ME3: variants seen among roughly 807,000 people sequenced by gnomAD.
ME3 encodes NADP-dependent malic enzyme, mitochondrial.
Under a neutral mutation model 68.9 loss-of-function variants are expected in ME3, and 48 were observed. The ratio of observed to expected loss-of-function variants is 0.70; its 90% CI spans 0.55 to 0.89. The LOEUF is 0.89. ME3 is among the 40% of genes least tolerant of loss of function. The probability of loss-of-function intolerance (pLI) is 0.00; values close to 1 mark genes in which losing one functional copy is unlikely to be tolerated. For synonymous variants in ME3, 320 were observed against 318.8 expected, an observed-to-expected ratio of 1.00 and a Z score of -0.04; for missense variants, 675 against 797.4, an observed-to-expected ratio of 0.85 and a Z score of 1.85.
At chr11:86,528,436 A>G (rs959744607) in intron 4 of ME3, among the ~76,000 whole-genome samples, 2 of 152,186 alleles carry the variant, frequency 1.3e-5, no homozygotes, top group African/African-American at 4.8e-5. Flanking sequence ...TGTCAACATT[A>G]GACAGATCAA....
At chr11:86,578,774 G>C (rs560342448) in intron 2 of ME3, among the ~76,000 whole-genome samples, 1 of 152,218 alleles carries the variant, frequency 6.6e-6, no homozygotes, top group African/African-American at 2.4e-5. Context: ...ATTTTGGACT[G>C]AATTTGTAAC....
chr11:86,539,978 A>G (rs1955936211), intron 4 of ME3, among the ~76,000 whole-genome samples: 1 of 152,226 alleles, frequency 6.6e-6, no homozygotes, highest in Non-Finnish European at 1.5e-5. Flanking sequence ...CATCTCCAGC[A>G]AGCTGTATGG....
At chr11:86,562,519 A>G (rs1450577529) in intron 2 of ME3, among the ~76,000 whole-genome samples, 1 of 152,142 alleles carries the variant, frequency 6.6e-6, no homozygotes, top group Non-Finnish European at 1.5e-5. Context: ...GTGAATGAGA[A>G]TTTCTGTTGC....
chr11:86,440,131 G>A (rs1366030745), downstream of ME3, among the ~76,000 whole-genome samples: 2 of 152,182 alleles, frequency 1.3e-5, no homozygotes, highest in Admixed American at 1.3e-4. Context: ...TTCGTTGCTG[G>A]CAGTGGAGAT....
chr11:86,455,537 A>G (rs1490860767), intron 8 of ME3, among the ~76,000 whole-genome samples: 1 of 152,214 alleles, frequency 6.6e-6, no homozygotes, highest in Non-Finnish European at 1.5e-5. Flanking sequence ...TGTTATCAGT[A>G]TCAACCTACC....
chr11:86,628,869 C>T (rs537823380), intron 2 of ME3, among the ~76,000 whole-genome samples: 29 of 152,134 alleles, frequency 1.9e-4, no homozygotes, highest in Non-Finnish European at 3.5e-4. Flanking sequence ...GAAGGAGAAA[C>T]GTTACATGGA....
intron 2 of ME3, among the ~76,000 whole-genome samples, chr11:86,630,695 C>T (rs1315969254): frequency 2.0e-5 from 3 of 152,234 alleles, no homozygotes; most frequent in Admixed American, 6.5e-5. Context: ...GGCATCTTCT[C>T]GGAATACCAA....
rs576258674 is a variant in ME3 at position 86,595,029 on chromosome 11, A to C, written c.184-35206T>G. Among the ~76,000 whole-genome samples the C allele has an allele frequency of 9.0e-5, 13 of 145,178 alleles. 2 individuals carry two copies. The highest frequency in any genetic ancestry group is 1.9e-4 in the Non-Finnish European group (13 of 66,914). On this transcript the variant is annotated intron_variant, in intron 2 of 14. Transcript: ENST00000543262. The stretch of plus-strand genomic sequence containing the variant: ...AGATTCAAATGAGGCTCTTTCATGA[A>C]AGCTCCTGGTCAACTATAGAGCATT...
In ME3 at chr11:86,524,967, G is replaced by C. The variant is rs536965866; in HGVS notation, c.468-16100C>G. Among the ~76,000 whole-genome samples, 5 of 152,326 alleles carry C rather than the reference G, an allele frequency of 3.3e-5. No homozygotes were observed. The South Asian group carries it at 1.0e-3, about 32-fold the overall frequency. On this transcript the variant is annotated intron_variant, in intron 4 of 14. Coordinates refer to ENST00000543262, the Ensembl canonical transcript of ME3. ...GGAATCTCAGAACATTCAAGATCAGGAAAGTTAAAGGCCAAAAAAGTATTT... is the reference window on the plus strand; with the variant it reads ...GGAATCTCAGAACATTCAAGATCAGCAAAGTTAAAGGCCAAAAAAGTATTT...
intron 2 of ME3, among the ~76,000 whole-genome samples, chr11:86,585,841 T>TG (rs1442644430): frequency 6.6e-6 from 1 of 152,006 alleles, no homozygotes; most frequent in Non-Finnish European, 1.5e-5. Flanking sequence ...GAGACTGAGA[T>TG]GGGACAGCGG....
chr11:86,452,583 A>G (rs1020826914), intron 8 of ME3, among the ~76,000 whole-genome samples: 2 of 152,176 alleles, frequency 1.3e-5, no homozygotes, highest in Non-Finnish European at 2.9e-5. Flanking sequence ...AAAACATGGA[A>G]TGGAAGGTTG....
At chr11:86,561,880 T>C (rs779202962) in intron 2 of ME3, among the ~76,000 whole-genome samples, 4 of 152,224 alleles carry the variant, frequency 2.6e-5, no homozygotes, top group African/African-American at 4.8e-5. Flanking sequence ...GATTCTCTTG[T>C]CATAGTCTGC....
chr11:86,505,928 C>G (rs977007401), intron 5 of ME3, among the ~76,000 whole-genome samples: 1 of 152,204 alleles, frequency 6.6e-6, no homozygotes. Context: ...CAGCCAGTCA[C>G]CTGTCTGCCC....
intron 4 of ME3, among the ~76,000 whole-genome samples, chr11:86,517,063 G>C (rs186219552): frequency 3.3e-5 from 5 of 151,616 alleles, no homozygotes; most frequent in African/African-American, 9.7e-5. Context: ...TGTTCATCCT[G>C]GAACAGGGTT....
chr11:86,671,373 A>G (rs1272063626), intron 2 of ME3, among the ~76,000 whole-genome samples: 1 of 152,174 alleles, frequency 6.6e-6, no homozygotes, highest in Admixed American at 6.5e-5. Flanking sequence ...AGATCTCACG[A>G]CATTCCTAAG....
intron 2 of ME3, among the ~76,000 whole-genome samples, chr11:86,668,840 G>T (rs1165306168): frequency 6.6e-6 from 1 of 152,178 alleles, no homozygotes. Context: ...TGTTAAGCTA[G>T]ATCTTTCAGG....
At chr11:86,550,625 A>G (rs1412126435) in intron 4 of ME3, among the ~76,000 whole-genome samples, 1 of 152,170 alleles carries the variant, frequency 6.6e-6, no homozygotes. Flanking sequence ...GGCCAAAGGA[A>G]TCAGTGCTTT....
chr11:86,524,011 T>C (rs2139207369), intron 4 of ME3, among the ~76,000 whole-genome samples: 1 of 152,366 alleles, frequency 6.6e-6, no homozygotes, highest in East Asian at 1.9e-4. Context: ...TTTCTTTTTC[T>C]ACTAAAATAT....
At chr11:86,633,709 C>G (rs1444264013) in intron 2 of ME3, among the ~76,000 whole-genome samples, 1 of 152,158 alleles carries the variant, frequency 6.6e-6, no homozygotes, top group African/African-American at 2.4e-5. Flanking sequence ...CAACAGAGGA[C>G]CGTGCTAGAG....
Sources: allele counts gnomAD v4.1 joint callset (sites outside exome capture counted in the v4.1 genomes callset), GRCh38; gene constraint gnomAD v4.1.1; transcripts MANE v1.5; gene names NCBI Gene and HGNC (gene_info 2026-07-23, HGNC 2026-07-21).